Variants in CSMD3 observed in about 807,000 individuals in gnomAD.
CSMD3 encodes CUB and Sushi multiple domains 3.
Under a neutral mutation model 435.2 loss-of-function variants are expected in CSMD3, and 177 were observed. The observed-to-expected ratio is 0.41, with a 90% CI of 0.36 to 0.46. The LOEUF is 0.46. Among genes scored for constraint, CSMD3 ranks in the 20% least tolerant of loss-of-function variants. CSMD3 has a pLI of 0.34. For synonymous variants in CSMD3, 1,656 were observed against 1,520.5 expected (o/e 1.09, Z -2.07); for missense variants, 4,265 against 4,504.6 (o/e 0.95, Z 1.52).
chr8:112,665,015 C>T (rs909364454), intron 17 of CSMD3, among the ~76,000 whole-genome samples: 2 of 152,080 alleles, frequency 1.3e-5, no homozygotes, highest in African/African-American at 4.8e-5. Context: ...TTAAAACCTC[C>T]TGTATACTTT....
intron 5 of CSMD3, among the ~76,000 whole-genome samples, chr8:113,055,729 A>T (rs2088301975): frequency 6.6e-6 from 1 of 152,172 alleles, no homozygotes; most frequent in Non-Finnish European, 1.5e-5. Flanking sequence ...ATAAAGGAAG[A>T]TTGGTTGATT....
At chr8:112,427,654 C>T (rs1051326786) in intron 32 of CSMD3, among the ~76,000 whole-genome samples, 1 of 152,168 alleles carries the variant, frequency 6.6e-6, no homozygotes, top group African/African-American at 2.4e-5. Context: ...CATTCATCAA[C>T]ATTTATGATG....
chr8:112,538,597 C>T (rs190068038), intron 27 of CSMD3, among the ~76,000 whole-genome samples: 6 of 151,854 alleles, frequency 4.0e-5, no homozygotes, highest in African/African-American at 1.4e-4. Flanking sequence ...ATCCCATTTA[C>T]AATAGCTACA....
chr8:113,228,599 C>T (rs1162092381), intron 3 of CSMD3, among the ~76,000 whole-genome samples: 1 of 151,240 alleles, frequency 6.6e-6, no homozygotes, highest in Non-Finnish European at 1.5e-5. Context: ...CAGGGCCAAA[C>T]ATATGGATGG....
At chr8:112,815,094 TA>T (rs1012677029) in intron 12 of CSMD3, among the ~76,000 whole-genome samples, 2,175 of 143,786 alleles carry the variant, frequency 0.015, 45 homozygotes, top group African/African-American at 0.049. Context: ...AAAGTTAAGT[TA>T]AAAAAAAAAA....
intron 13 of CSMD3, among the ~76,000 whole-genome samples, chr8:112,718,390 TCTCAA>T (rs932311273): frequency 5.9e-5 from 9 of 152,060 alleles, no homozygotes; most frequent in East Asian, 3.9e-4. Context: ...AAGCCTGTCT[TCTCAA>T]CTCAACTCAA....
chr8:112,982,605 T>C lies in CSMD3; in HGVS notation c.1031-6457A>G, dbSNP rs115802771. Among the ~76,000 whole-genome samples, 1,009 of 152,080 alleles carry C rather than the reference T, an allele frequency of 6.6e-3. 12 individuals carry two copies. Among genetic ancestry groups the C allele is most frequent in the African/African-American group, 0.023 (967 of 41,546 alleles). ...GCAGCTCTCATGGAAGAATATTTTA[T>C]TGCAAGATGTCATGTCAGAAGCACC... is the stretch of plus-strand genomic sequence containing the variant. On this transcript the variant is annotated intron_variant, in intron 6 of 70. Transcript: ENST00000297405.
intron 22 of CSMD3, among the ~76,000 whole-genome samples, chr8:112,606,972 G>GAAAAAAAAAAAAAAAAAAAAAAAAAAAAA (rs71309778): frequency 2.7e-5 from 1 of 36,644 alleles, no homozygotes; most frequent in Non-Finnish European, 4.7e-5. Flanking sequence ...CTCAAGCTAT[G>GAAAAAAAAAAAAAAAAAAAAAAAAAAAAA]AAAAAAAAAA....
intron 3 of CSMD3, among the ~76,000 whole-genome samples, chr8:113,217,794 AT>A (rs2092922456): frequency 6.6e-5 from 10 of 151,424 alleles, no homozygotes; most frequent in Admixed American, 6.0e-4. Context: ...GAAAAAACAT[AT>A]ATAAGATATG....
At chr8:112,280,048 C>A (rs557854018) in intron 59 of CSMD3, among the ~76,000 whole-genome samples, 14 of 152,098 alleles carry the variant, frequency 9.2e-5, no homozygotes, top group African/African-American at 3.4e-4. Flanking sequence ...CCAGAAAATG[C>A]AAACAAAAAG....
chr8:112,921,056 C>T (rs62514562), intron 10 of CSMD3, among the ~76,000 whole-genome samples: 1,575 of 146,544 alleles, frequency 0.011, 14 homozygotes, highest in Non-Finnish European at 0.017. Context: ...TCCAGTAATT[C>T]CAGATAAGAT....
chr8:113,248,563 G>T, intron 3 of CSMD3, among the ~76,000 whole-genome samples: 1 of 144,928 alleles, frequency 6.9e-6, no homozygotes, highest in African/African-American at 2.5e-5. Context: ...CACACATGTG[G>T]AGGAAATAAA....
intron 58 of CSMD3, among the ~76,000 whole-genome samples, chr8:112,284,246 T>C (rs1818953045): frequency 6.6e-6 from 1 of 151,872 alleles, no homozygotes; most frequent in South Asian, 2.1e-4. Context: ...ATTGATTAAA[T>C]GAAGTCACTT....
intron 14 of CSMD3, among the ~76,000 whole-genome samples, chr8:112,685,972 GC>G (rs1378394829): frequency 2.3e-5 from 3 of 131,778 alleles, no homozygotes; most frequent in African/African-American, 9.8e-5. Flanking sequence ...TGGAATAATA[GC>G]AATTTTTTGA....
At chr8:112,701,895 G>A (rs1220643317) in intron 13 of CSMD3, among the ~76,000 whole-genome samples, 1 of 152,124 alleles carries the variant, frequency 6.6e-6, no homozygotes, top group East Asian at 1.9e-4. Context: ...TGAAGAAATT[G>A]CTATTTATTT....
intron 1 of CSMD3, among the ~76,000 whole-genome samples, chr8:113,396,356 T>C (rs2094483608): frequency 6.6e-6 from 1 of 152,180 alleles, no homozygotes; most frequent in Non-Finnish European, 1.5e-5. Context: ...TATTTCTAAG[T>C]GTCCCAAAGC....
At chr8:113,107,508 A>G (rs571914912) in intron 4 of CSMD3, among the ~76,000 whole-genome samples, 32 of 152,138 alleles carry the variant, frequency 2.1e-4, no homozygotes, top group Non-Finnish European at 2.2e-4. Context: ...ACTGTAGTTG[A>G]CCCTGCAGAA....
Position 112,947,847 on chromosome 8 carries a change from T to G in CSMD3, c.1451A>C (p.Asn484Thr). 1.9e-6 allele frequency: 3 copies of G among 1,546,760 alleles called. No homozygotes were observed. Among genetic ancestry groups the G allele is most frequent in the Non-Finnish European group, 2.7e-6 (3 of 1,120,638 alleles). The change falls in exon 9 of 71, where the codon AAT becomes ACT. Residue 484 changes from asparagine to threonine, a missense_variant. Asn to Thr is a moderately conservative substitution (Grantham distance 65). Transcript: ENST00000297405. The part of the protein sequence containing the change: ...LNEGGIKTAS[N>T]LCPDPGEPEN... ...TGGTTCTCCTGGATCTGGGCATAAA[T>G]TGGAAGCTGTTTTAATACCTCCCTC...
intron 12 of CSMD3, among the ~76,000 whole-genome samples, chr8:112,827,164 A>AATATATATATATATATATATATAT (rs3047126): frequency 1.2e-5 from 1 of 82,850 alleles, no homozygotes; most frequent in Admixed American, 1.8e-4. Flanking sequence ...GGTTACCATA[A>AATATATATATATATATATATATAT]ATATATATAT....
Sources: gnomAD v4.1 joint callset for allele counts (sites outside exome capture counted in the v4.1 genomes callset) on GRCh38, gnomAD v4.1.1 for gene constraint, MANE v1.5 for transcripts, NCBI Gene and HGNC (gene_info 2026-07-23, HGNC 2026-07-21) for gene names.